EIF4ENIF1: variants seen among roughly 807,000 people sequenced by gnomAD.
The protein encoded by EIF4ENIF1 is eukaryotic translation initiation factor 4E transporter.
A neutral mutation model predicts 110.5 loss-of-function variants in EIF4ENIF1; 23 were observed. That is an observed-to-expected ratio of 0.21 (90% CI 0.15 to 0.29). The LOEUF (loss-of-function observed/expected upper bound fraction) is 0.29. Among genes scored for constraint, EIF4ENIF1 ranks in the 10% least tolerant of loss-of-function variants. EIF4ENIF1 has a pLI of 1.00. For missense variants in EIF4ENIF1, 1,031 were observed against 1,221.1 expected (o/e 0.84, Z 2.32); for synonymous variants, 440 against 437.0 (o/e 1.01, Z -0.09).
chr22:31,445,676 C>T (rs781115092), intron 14 of EIF4ENIF1, among the ~76,000 whole-genome samples: 4 of 152,084 alleles, frequency 2.6e-5, no homozygotes. Flanking sequence ...ATGGAGGTTA[C>T]ATTCTTGGGG....
downstream of EIF4ENIF1, among the ~76,000 whole-genome samples, chr22:31,438,916 T>G (rs2050213894): frequency 6.6e-6 from 1 of 152,070 alleles, no homozygotes; most frequent in Non-Finnish European, 1.5e-5. Context: ...GAGATGGGAT[T>G]TCACCATCTT....
In EIF4ENIF1 at chr22:31,468,259, G is replaced by C. The variant is rs200765350; in HGVS notation, c.214C>G (p.Pro72Ala). ...ACTGGTGAGCTCCGCCCTGAAGCTGGGTAGAGAGAGGCATGCCACTTCTCA... is the reference window on the plus strand; with the variant it reads ...ACTGGTGAGCTCCGCCCTGAAGCTGCGTAGAGAGAGGCATGCCACTTCTCA... The part of the protein sequence containing the change: ...DPEKWHASLY[P>A]ASGRSSPVES... The change falls in exon 4 of 19, where the codon CCA becomes GCA. Residue 72 changes from proline (P) to alanine (A), a missense_variant. This residue lies in a region of EIF4ENIF1 where 704 missense variants were observed against 879.7 expected (regional missense o/e 0.80). Transcript: ENST00000330125. 2 of 1,614,156 alleles carry C rather than the reference G, an allele frequency of 1.2e-6. No homozygotes were observed. Among genetic ancestry groups the C allele is most frequent in the South Asian group, 2.2e-5 (2 of 91,074 alleles).
intron 2 of EIF4ENIF1, among the ~76,000 whole-genome samples, chr22:31,478,651 A>C (rs2051685543): frequency 6.6e-6 from 1 of 151,912 alleles, no homozygotes; most frequent in South Asian, 2.1e-4. Flanking sequence ...CCCTGTCTCT[A>C]CTGAAAATAC....
chr22:31,463,552 C>G, intron 5 of EIF4ENIF1, 129 bp downstream of exon 5: 1 of 895,132 alleles, frequency 1.1e-6, no homozygotes, highest in African/African-American at 1.7e-5. Flanking sequence ...TATGGTGGTG[C>G]GTGCCTATAA....
At chr22:31,447,674 T>A in intron 13 of EIF4ENIF1, 109 bp from the exon 14 acceptor site, 11 of 1,233,548 alleles carry the variant, frequency 8.9e-6, no homozygotes, top group Non-Finnish European at 1.2e-5. Flanking sequence ...CTGAAAAAAA[T>A]TAGATACTGC....
intron 15 of EIF4ENIF1, among the ~76,000 whole-genome samples, chr22:31,443,699 G>A (rs536529968): frequency 4.0e-5 from 6 of 151,834 alleles, no homozygotes; most frequent in South Asian, 2.1e-4. Flanking sequence ...CAAGGTCACC[G>A]GTGCAAAGAC....
chr22:31,489,024 A>C (rs2052153641), intron 1 of EIF4ENIF1: 2 of 286,884 alleles, frequency 7.0e-6, no homozygotes, highest in Non-Finnish European at 1.3e-5. Context: ...AGAAACCAAG[A>C]TTAGTAGCTG....
upstream of EIF4ENIF1, among the ~76,000 whole-genome samples, chr22:31,492,423 TATC>T (rs2052293516): frequency 6.6e-6 from 1 of 152,212 alleles, no homozygotes; most frequent in Non-Finnish European, 1.5e-5. Context: ...GCATTGTAGC[TATC>T]ATGATTTGAT....
Position 31,456,458 on chromosome 22 carries a change from T to C in EIF4ENIF1, c.964-471A>G, listed in dbSNP as rs7292627. The stretch of plus-strand genomic sequence containing the variant: ...CAGGATGGTCTCGATCTCCTGACCT[T>C]GTGATCCGCCCGCCTTGGCCTCCCA... On this transcript the variant is annotated intron_variant, in intron 7 of 18. Coordinates refer to ENST00000330125, the MANE Select transcript of EIF4ENIF1 (RefSeq NM_019843.4). Among the ~76,000 whole-genome samples, 897 of 151,960 alleles carry C rather than the reference T, an allele frequency of 5.9e-3. 5 individuals carry two copies. Among genetic ancestry groups the C allele is most frequent in the East Asian group, 0.04 (207 of 5,130 alleles).
At chr22:31,447,763 T>C (rs1278138390) in intron 13 of EIF4ENIF1, among the ~76,000 whole-genome samples, 198 bp from the exon 14 acceptor site, 1 of 152,208 alleles carries the variant, frequency 6.6e-6, no homozygotes, top group Non-Finnish European at 1.5e-5. Flanking sequence ...CAGCAAATTG[T>C]CTAACCTTCA....
In EIF4ENIF1 at chr22:31,469,689, A is replaced by G. The variant is rs147496238; in HGVS notation, c.171-1387T>C. Among the ~76,000 whole-genome samples, 1,498 of 152,194 alleles carry G rather than the reference A, an allele frequency of 9.8e-3. 7 individuals are homozygous for G. The highest frequency in any genetic ancestry group is 0.027 in the Middle Eastern group (8 of 294). On this transcript the variant is annotated intron_variant, in intron 3 of 18. Coordinates refer to ENST00000330125, the MANE Select transcript of EIF4ENIF1 (RefSeq NM_019843.4). ...AATAAAAGCTGTTTGTCTGCCCAGG[A>G]TAACTTTTTTATTTTTTTCAGACAG...
chr22:31,446,002 A>G (rs1050314698), intron 14 of EIF4ENIF1, among the ~76,000 whole-genome samples: 19 of 149,290 alleles, frequency 1.3e-4, no homozygotes, highest in African/African-American at 4.7e-4. Flanking sequence ...ATCATATAAA[A>G]TTCTGGGCCA....
intron 2 of EIF4ENIF1, among the ~76,000 whole-genome samples, chr22:31,478,525 A>AAAAG (rs1555911183): frequency 6.6e-6 from 1 of 151,164 alleles, no homozygotes; most frequent in Non-Finnish European, 1.5e-5. Context: ...CAAAAAAAAA[A>AAAAG]AAAAAAAAAA....
chr22:31,443,149 C>G, intron 15 of EIF4ENIF1, 55 bp from the exon 16 acceptor site: 1 of 1,595,366 alleles, frequency 6.3e-7, no homozygotes. Context: ...TTCTCTAATA[C>G]TAAGCCAGGA....
At chr22:31,447,128 T>C (rs2050502232) in intron 14 of EIF4ENIF1, 1 of 398,888 alleles carries the variant, frequency 2.5e-6, no homozygotes, top group Admixed American at 4.2e-5. Flanking sequence ...TGAGGTAAAT[T>C]AGGCGAGCAG....
chr22:31,453,874 C>T (rs1475847620), intron 10 of EIF4ENIF1, among the ~76,000 whole-genome samples: 5 of 152,144 alleles, frequency 3.3e-5, no homozygotes. Flanking sequence ...TTAGCAGTGA[C>T]TTAAAGTTAT....
chr22:31,470,081 T>C (rs1304808663), intron 3 of EIF4ENIF1, among the ~76,000 whole-genome samples: 1 of 148,650 alleles, frequency 6.7e-6, no homozygotes, highest in Non-Finnish European at 1.5e-5. Context: ...GGAGAATCGC[T>C]TGAACCCGGG....
chr22:31,452,958 A>G (rs5753622), intron 10 of EIF4ENIF1, among the ~76,000 whole-genome samples: 11,002 of 152,224 alleles, frequency 0.072, 680 homozygotes, highest in East Asian at 0.33. Context: ...TTCTTTTGGT[A>G]TAAGACATAA....
intron 2 of EIF4ENIF1, among the ~76,000 whole-genome samples, chr22:31,475,761 G>A (rs963996519): frequency 6.7e-6 from 1 of 149,462 alleles, no homozygotes; most frequent in Admixed American, 6.7e-5. Context: ...TGTGGTCCCC[G>A]CTACTCAGGA....
Sources: gnomAD v4.1 joint callset for allele counts (sites outside exome capture counted in the v4.1 genomes callset) on GRCh38, gnomAD v4.1.1 for gene constraint, gnomAD v4.1.1 regional missense constraint, MANE v1.5 for transcripts, NCBI Gene and HGNC (gene_info 2026-07-23, HGNC 2026-07-21) for gene names.